The following HORMAD2 variants were observed in gnomAD, a reference collection of about 807,000 sequenced individuals.
HORMAD2 encodes HORMA domain containing 2.
Under a neutral mutation model 38.8 loss-of-function variants are expected in HORMAD2, and 45 were observed. That is an observed-to-expected ratio of 1.16 (90% confidence interval 0.91 to 1.49). The LOEUF is 1.49. HORMAD2 is among the 40% of genes most tolerant of loss of function. The pLI, the probability that HORMAD2 is intolerant of heterozygous loss-of-function variation, is 0.00. For missense variants in HORMAD2, 338 were observed against 367.0 expected (o/e 0.92, Z 0.65); for synonymous variants, 126 against 122.8 (o/e 1.03, Z -0.17).
chr22:30,162,538 G>C (rs986894072), intron 10 of HORMAD2, among the ~76,000 whole-genome samples: 1 of 151,570 alleles, frequency 6.6e-6, no homozygotes, highest in Admixed American at 6.6e-5. Context: ...TTAATATATT[G>C]GGTTAAATTA....
At chr22:30,156,909 C>T (rs1277125814) in intron 10 of HORMAD2, among the ~76,000 whole-genome samples, 2 of 152,202 alleles carry the variant, frequency 1.3e-5, no homozygotes, top group Non-Finnish European at 2.9e-5. Flanking sequence ...ATAAACTAAC[C>T]ATTCCAAGAA....
chr22:30,186,131 TAAG>T, the HORMAD2 span, among the ~76,000 whole-genome samples: 1 of 152,104 alleles, frequency 6.6e-6, no homozygotes, highest in African/African-American at 2.4e-5. Context: ...TCCTCAAAAT[TAAG>T]AATACAACAA....
chr22:30,132,561 A>G (rs1016428464), intron 10 of HORMAD2, among the ~76,000 whole-genome samples: 1 of 151,902 alleles, frequency 6.6e-6, no homozygotes, highest in African/African-American at 2.4e-5. Flanking sequence ...AACAAAACCA[A>G]AAAACCACAC....
At chr22:30,114,373 T>C (rs890370812) in intron 7 of HORMAD2, among the ~76,000 whole-genome samples, 21 of 152,198 alleles carry the variant, frequency 1.4e-4, no homozygotes, top group African/African-American at 5.1e-4. Context: ...TCAGTAATAA[T>C]TACAATGTAA....
chr22:30,145,827 A>G (rs1023575967), intron 10 of HORMAD2, among the ~76,000 whole-genome samples: 3 of 152,190 alleles, frequency 2.0e-5, no homozygotes, highest in Non-Finnish European at 4.4e-5. Flanking sequence ...AAATAATACT[A>G]ATTTTGAACA....
the HORMAD2 span, among the ~76,000 whole-genome samples, chr22:30,185,656 C>G: frequency 1.3e-5 from 2 of 151,994 alleles, no homozygotes; most frequent in Non-Finnish European, 2.9e-5. Context: ...ACTGTTAAAC[C>G]AATTCTGCAA....
At chr22:30,163,332 G>T (rs1459527919) in intron 10 of HORMAD2, among the ~76,000 whole-genome samples, 2 of 152,158 alleles carry the variant, frequency 1.3e-5, no homozygotes, top group African/African-American at 4.8e-5. Context: ...TTGATTATCT[G>T]GATATAGTCC....
At chr22:30,194,733 G>A in the HORMAD2 span, among the ~76,000 whole-genome samples, 1 of 152,144 alleles carries the variant, frequency 6.6e-6, no homozygotes, top group African/African-American at 2.4e-5. Flanking sequence ...AGTGTATCCT[G>A]GAGGCAAGTA....
chr22:30,125,303 C>T (rs1185619458), intron 10 of HORMAD2, among the ~76,000 whole-genome samples: 3 of 134,434 alleles, frequency 2.2e-5, no homozygotes, highest in East Asian at 2.2e-4. Context: ...TCTCAGCTCA[C>T]GGTAACCTTC....
the HORMAD2 span, among the ~76,000 whole-genome samples, chr22:30,193,513 G>A: frequency 6.6e-6 from 1 of 152,188 alleles, no homozygotes. Context: ...GAAGGGACCT[G>A]CATTTCATGA....
intron 10 of HORMAD2, among the ~76,000 whole-genome samples, chr22:30,152,378 A>G (rs1924804255): frequency 6.6e-6 from 1 of 151,538 alleles, no homozygotes; most frequent in African/African-American, 2.4e-5. Context: ...TTTTTGTAGA[A>G]ATAGCATCTT....
chr22:30,129,699 G>T (rs1033607912), intron 10 of HORMAD2, among the ~76,000 whole-genome samples: 2 of 151,540 alleles, frequency 1.3e-5, no homozygotes, highest in Admixed American at 6.6e-5. Context: ...TCTTTGAGAT[G>T]CACTCTCACT....
chr22:30,180,871 CCCTTCCCTTTCCCTTTCCCTT>C (rs1335904538), downstream of HORMAD2, among the ~76,000 whole-genome samples: 1 of 134,060 alleles, frequency 7.5e-6, no homozygotes, highest in African/African-American at 3.3e-5. Flanking sequence ...TTCCCTTCTT[CCCTTCCCTTTCCCTTTCCCTT>C]CCTTCCCTTT....
the HORMAD2 span, among the ~76,000 whole-genome samples, chr22:30,195,312 G>T: frequency 6.6e-6 from 1 of 151,618 alleles, no homozygotes; most frequent in Non-Finnish European, 1.5e-5. Context: ...TATCTTCCAA[G>T]ATGAATGATC....
At chr22:30,127,601 C>G (rs1023030872) in intron 10 of HORMAD2, among the ~76,000 whole-genome samples, 2 of 152,200 alleles carry the variant, frequency 1.3e-5, no homozygotes, top group African/African-American at 4.8e-5. Flanking sequence ...CCTTGGCCTC[C>G]TCAAGTGCTG....
intron 10 of HORMAD2, chr22:30,136,617 C>CTTT (rs58205669): frequency 1.8e-4 from 26 of 147,432 alleles, no homozygotes; most frequent in Middle Eastern, 3.5e-3. Context: ...TTTTCTTCTT[C>CTTT]TTTTTTTTTT....
At chr22:30,157,116 G>A (rs1925128312) in intron 10 of HORMAD2, among the ~76,000 whole-genome samples, 1 of 152,144 alleles carries the variant, frequency 6.6e-6, no homozygotes, top group Non-Finnish European at 1.5e-5. Context: ...TTAGGAGTCA[G>A]CACTCTCCAT....
chr22:30,190,193 T>C, the HORMAD2 span, among the ~76,000 whole-genome samples: 1 of 152,182 alleles, frequency 6.6e-6, no homozygotes, highest in African/African-American at 2.4e-5. Context: ...TATATACATA[T>C]CACCTGAATT....
At chr22:30,089,004 T>G (rs975831829) in intron 1 of HORMAD2, among the ~76,000 whole-genome samples, 2 of 152,196 alleles carry the variant, frequency 1.3e-5, no homozygotes, top group Non-Finnish European at 2.9e-5. Context: ...AAAGAACTAT[T>G]GGTGGTTTTC....
Sources: gnomAD v4.1 joint callset for allele counts (sites outside exome capture counted in the v4.1 genomes callset) on GRCh38, gnomAD v4.1.1 for gene constraint, MANE v1.5 for transcripts, NCBI Gene and HGNC (gene_info 2026-07-23, HGNC 2026-07-21) for gene names.